LEPR: variants seen among roughly 807,000 people sequenced by gnomAD.
LEPR encodes leptin receptor, also known as OB receptor.
Under a neutral mutation model 114.7 loss-of-function variants are expected in LEPR, and 56 were observed. The ratio of observed to expected loss-of-function variants is 0.49; its 90% CI spans 0.39 to 0.61. The LOEUF is 0.61. Among genes scored for constraint, LEPR ranks in the 20% least tolerant of loss-of-function variants. The probability of loss-of-function intolerance (pLI) is 0.00; values close to 1 mark genes in which losing one functional copy is unlikely to be tolerated. For missense variants in LEPR, 1,202 were observed against 1,352.9 expected (o/e 0.89, Z 1.75); for synonymous variants, 443 against 461.4 (o/e 0.96, Z 0.51).
chr1:65,639,015 AT>A lies in LEPR; in HGVS notation c.*2004del, dbSNP rs1218041235. ...CAGTACAGAAGAGATAGAAAAATAA[AT>A]TTTGCCCCACTCTGAAATTGAAGAC... On this transcript the variant is annotated 3_prime_UTR_variant, in exon 20 of 20. Transcript: ENST00000349533. The A allele has an allele frequency of 6.6e-6, 1 of 152,198 alleles. No individual in the cohort carries two copies. Among genetic ancestry groups the A allele is most frequent in the African/African-American group, 2.4e-5 (1 of 41,452 alleles). 9.4% of individuals were successfully genotyped at this position (152,198 alleles called of 1,614,324 possible). A position where few individuals can be genotyped will look rare whatever the true frequency, so the allele number is the denominator to read the frequency against.
At chr1:65,533,727 A>T (rs940588758) in intron 2 of LEPR, among the ~76,000 whole-genome samples, 1 of 151,986 alleles carries the variant, frequency 6.6e-6, no homozygotes, top group Non-Finnish European at 1.5e-5. Context: ...ATAGGTTCTG[A>T]TTTTCATATT....
chr1:65,533,384 G>C (rs1650536918), intron 2 of LEPR, among the ~76,000 whole-genome samples: 1 of 152,058 alleles, frequency 6.6e-6, no homozygotes, highest in South Asian at 2.1e-4. Flanking sequence ...AAAACCCAAA[G>C]AATGCTAAAG....
chr1:65,608,887 G>T lies in LEPR; in HGVS notation c.1738G>T (p.Glu580Ter), dbSNP rs1656993101. 1 of 1,613,662 alleles carries T rather than the reference G, an allele frequency of 6.2e-7. No individual in the cohort carries two copies. The highest frequency in any genetic ancestry group is 8.5e-7 in the Non-Finnish European group (1 of 1,179,802). ...FQIRYGLSGK[E>*]VQWKMYEVYD... ...GATTCGCTATGGTTTAAGTGGAAAAGAAGTACAATGGAAGGTACCTTTTAC... is the reference window on the plus strand; with the variant it reads ...GATTCGCTATGGTTTAAGTGGAAAATAAGTACAATGGAAGGTACCTTTTAC... Residue 580 changes from glutamate (E) to a stop codon, truncating the protein, a stop_gained, in exon 12 of 20, where the codon GAA becomes TAA. Coordinates refer to ENST00000349533, the MANE Select transcript of LEPR (RefSeq NM_002303.6). LOFTEE classifies it high-confidence loss of function.
chr1:65,570,439 C>CT, intron 3 of LEPR, 34 bp from the exon 4 acceptor site: 12 of 1,599,340 alleles, frequency 7.5e-6, no homozygotes, highest in Non-Finnish European at 1.0e-5. Context: ...AAAATGATTA[C>CT]TTTTTTCTAT....
intron 19 of LEPR, chr1:65,634,577 CTGAA>C: frequency 1.1e-6 from 1 of 943,340 alleles, no homozygotes; most frequent in Non-Finnish European, 1.3e-6. Context: ...AATATTCTAT[CTGAA>C]TGCATTGGAA....
chr1:65,453,796 G>T (rs1257693425), intron 2 of LEPR, among the ~76,000 whole-genome samples: 2 of 152,090 alleles, frequency 1.3e-5, no homozygotes, highest in Non-Finnish European at 2.9e-5. Flanking sequence ...TGTCTATTAG[G>T]TCCGCTTGGT....
chr1:65,540,067 G>A (rs1210493127), intron 2 of LEPR, among the ~76,000 whole-genome samples: 1 of 152,112 alleles, frequency 6.6e-6, no homozygotes, highest in Non-Finnish European at 1.5e-5. Flanking sequence ...CAGTTACATG[G>A]AGCTAGTTTA....
chr1:65,484,180 T>A (rs111606788), intron 2 of LEPR, among the ~76,000 whole-genome samples: 10 of 152,098 alleles, frequency 6.6e-5, no homozygotes, highest in Non-Finnish European at 1.0e-4. Context: ...ATTGTGTGTT[T>A]GTATCCGTCC....
intron 2 of LEPR, among the ~76,000 whole-genome samples, chr1:65,487,092 C>G (rs989583624): frequency 6.6e-6 from 1 of 152,192 alleles, no homozygotes; most frequent in Non-Finnish European, 1.5e-5. Context: ...TCTTTTCACA[C>G]AAACTGCAGT....
intron 2 of LEPR, among the ~76,000 whole-genome samples, chr1:65,447,388 C>G (rs1311194811): frequency 6.6e-6 from 1 of 152,032 alleles, no homozygotes; most frequent in African/African-American, 2.4e-5. Flanking sequence ...GGGACTGTCT[C>G]TCCATTTATT....
intron 19 of LEPR, among the ~76,000 whole-genome samples, chr1:65,624,133 C>A (rs996624461): frequency 6.6e-6 from 1 of 152,146 alleles, no homozygotes; most frequent in Non-Finnish European, 1.5e-5. Flanking sequence ...CATATTCTTA[C>A]ATTTATTAAG....
At position 65,636,718 on chromosome 1, in the gene LEPR, C is replaced by T. The variant is rs769494516; in HGVS notation, c.3201C>T (p.Phe1067=). The T allele has an allele frequency of 7.5e-6, 12 of 1,609,092 alleles. No homozygotes were observed. The highest frequency in any genetic ancestry group is 9.3e-6 in the Non-Finnish European group (11 of 1,177,910). Residue 1067 remains phenylalanine, a synonymous_variant, in exon 20 of 20, where the codon TTC becomes TTT. Coordinates refer to ENST00000349533, the MANE Select transcript of LEPR (RefSeq NM_002303.6). ...AACTTTTGAAATTGGAGGGAAATTT[C>T]CCTGAAGAAAATAATGATAAAAAGT... The part of the protein sequence containing the change: ...LDELLKLEGN[F]PEENNDKKSI...
intron 19 of LEPR, chr1:65,626,165 A>G: frequency 1.9e-6 from 3 of 1,611,944 alleles, no homozygotes; most frequent in Non-Finnish European, 2.5e-6. Context: ...AGGTTGGTTG[A>G]CTTAGGAAAT....
chr1:65,459,309 G>A (rs529526864), intron 2 of LEPR, among the ~76,000 whole-genome samples: 1 of 152,182 alleles, frequency 6.6e-6, no homozygotes, highest in South Asian at 2.1e-4. Context: ...TGACCTCTGA[G>A]AGTTGCCCTT....
chr1:65,553,780 C>T lies in LEPR; in HGVS notation c.-20-11766C>T, dbSNP rs945529539. On this transcript the variant is annotated intron_variant, in intron 2 of 19. Transcript: ENST00000349533. ...GAGTTGTGATCCTTTAAATGAGAAG[C>T]GGCATTCTGGTTTTTGGAATTTTAA... is the stretch of plus-strand genomic sequence containing the variant. 5.9e-5 allele frequency among the ~76,000 whole-genome samples: 9 copies of T among 152,158 alleles called. No homozygotes were observed. The South Asian group carries it at 6.2e-4, about 11-fold the overall frequency.
chr1:65,516,266 C>G (rs916530790), intron 2 of LEPR, among the ~76,000 whole-genome samples: 5 of 152,016 alleles, frequency 3.3e-5, no homozygotes, highest in African/African-American at 1.2e-4. Context: ...AACCCTGTCT[C>G]TACTAAAAAT....
chr1:65,623,217 G>T (rs1334603718), intron 19 of LEPR: 1 of 484,308 alleles, frequency 2.1e-6, no homozygotes, highest in Non-Finnish European at 3.7e-6. Context: ...TACATATGTT[G>T]CTTCTGTGTC....
chr1:65,597,798 AAG>A (rs1265683526), intron 7 of LEPR, among the ~76,000 whole-genome samples: 1 of 152,180 alleles, frequency 6.6e-6, no homozygotes, highest in Non-Finnish European at 1.5e-5. Flanking sequence ...TATTTTCACA[AAG>A]AGAATGATGG....
At chr1:65,460,845 A>G (rs1255828275) in intron 2 of LEPR, among the ~76,000 whole-genome samples, 1 of 152,132 alleles carries the variant, frequency 6.6e-6, no homozygotes, top group African/African-American at 2.4e-5. Flanking sequence ...CTGTCTCAAA[A>G]CAAAAACAAA....
Sources: allele counts gnomAD v4.1 joint callset (sites outside exome capture counted in the v4.1 genomes callset), GRCh38; gene constraint gnomAD v4.1.1; transcripts MANE v1.5; gene names NCBI Gene and HGNC (gene_info 2026-07-23, HGNC 2026-07-21).